Variants in LMX1A observed in about 807,000 individuals in gnomAD.
The protein encoded by LMX1A is LIM homeobox transcription factor 1 alpha.
LMX1A carries 15 observed loss-of-function variants against 49.1 expected under a neutral mutation model. The observed-to-expected ratio is 0.31, with a 90% CI of 0.20 to 0.47. LMX1A has a LOEUF of 0.47. LMX1A is among the 20% of genes least tolerant of loss of function. The pLI is 1.00. For missense variants in LMX1A, 372 were observed against 475.8 expected (o/e 0.78, Z 2.03); for synonymous variants, 167 against 185.7 (o/e 0.90, Z 0.82).
At chr1:165,353,557 T>A (rs189590399) in intron 2 of LMX1A, among the ~76,000 whole-genome samples, 2 of 152,326 alleles carry the variant, frequency 1.3e-5, no homozygotes, top group East Asian at 1.9e-4. Context: ...CGTCTGCACA[T>A]CCTGTAAGAT....
At position 165,202,482 on chromosome 1, in the gene LMX1A, A is replaced by C. The variant is rs566427244; in HGVS notation, c.*1398T>G. On this transcript the variant is annotated 3_prime_UTR_variant, in exon 9 of 9. Coordinates refer to ENST00000342310, the MANE Select transcript of LMX1A (RefSeq NM_177398.4). The stretch of plus-strand genomic sequence containing the variant: ...AGACCCTCTAAAACAAGGGGCCCCA[A>C]ACTTTTTCTGTAAGGGCCAGACAAT... The C allele has an allele frequency of 1.3e-5, 2 of 152,138 alleles. No homozygotes were observed. Among genetic ancestry groups the C allele is most frequent in the Admixed American group, 6.6e-5 (1 of 15,264 alleles). The allele number at this position is 152,138 out of a possible 1,614,324, so 9.4% of individuals were successfully genotyped here.
intron 4 of LMX1A, among the ~76,000 whole-genome samples, chr1:165,238,600 C>A (rs977748074): frequency 2.6e-5 from 4 of 152,018 alleles, no homozygotes; most frequent in East Asian, 3.9e-4. Flanking sequence ...TGATTTTGAA[C>A]GCGTGTGTAA....
intron 3 of LMX1A, among the ~76,000 whole-genome samples, chr1:165,336,441 C>T (rs779030932): frequency 1.1e-4 from 17 of 152,312 alleles, no homozygotes; most frequent in African/African-American, 4.1e-4. Context: ...ATCAGCATCA[C>T]TGGATTTTTC....
At chr1:165,314,939 C>T (rs2101737433) in intron 3 of LMX1A, among the ~76,000 whole-genome samples, 1 of 152,306 alleles carries the variant, frequency 6.6e-6, no homozygotes, top group African/African-American at 2.4e-5. Flanking sequence ...GGCAGAAGCC[C>T]TGAACACCAA....
intron 3 of LMX1A, among the ~76,000 whole-genome samples, chr1:165,319,713 GCAGA>G (rs1253647212): frequency 1.3e-5 from 2 of 152,022 alleles, no homozygotes; most frequent in Non-Finnish European, 2.9e-5. Flanking sequence ...TAGGCAAAAG[GCAGA>G]CAGACAGGCA....
intron 3 of LMX1A, among the ~76,000 whole-genome samples, chr1:165,309,094 G>A (rs562475287): frequency 8.9e-4 from 135 of 152,162 alleles, no homozygotes; most frequent in African/African-American, 3.2e-3. Context: ...GGTGATTGGA[G>A]GGGAGCCCCC....
chr1:165,311,394 T>C (rs182579348), intron 3 of LMX1A, among the ~76,000 whole-genome samples: 22 of 152,268 alleles, frequency 1.4e-4, no homozygotes, highest in Non-Finnish European at 2.4e-4. Context: ...GATAGTGAAA[T>C]CATCAGAAGT....
At position 165,355,790 on chromosome 1, in the gene LMX1A, A is replaced by C. The variant is rs965568706; in HGVS notation, c.-22-209T>G. On this transcript the variant is annotated intron_variant, in intron 1 of 8. Coordinates refer to ENST00000342310, the MANE Select transcript of LMX1A (RefSeq NM_177398.4). This position sits in a 1 kb window ranked among gnomAD's most constrained non-coding sequence, Gnocchi z 4.7. ...GCTGATCTGATTTCACTTGAAGTCA[A>C]CACGTTATGTACTTAGGCCTCCGCC... 2 of 578,274 alleles carry C rather than the reference A, an allele frequency of 3.5e-6. No homozygotes were observed. The highest frequency in any genetic ancestry group is 6.2e-6 in the Non-Finnish European group (2 of 323,848). 35.8% of individuals were successfully genotyped at this position (578,274 alleles called of 1,614,324 possible). A position where few individuals can be genotyped will look rare whatever the true frequency, so the allele number is the denominator to read the frequency against.
rs1477794292 is a variant in LMX1A, at chr1:165,356,627, T to G, written c.-295A>C. 1.3e-5 allele frequency: 2 copies of G among 153,018 alleles called. No homozygotes were observed. Among genetic ancestry groups the G allele is most frequent in the Non-Finnish European group, 1.5e-5 (1 of 68,476 alleles). The allele number at this position is 153,018 out of a possible 1,614,324, so 9.5% of individuals were successfully genotyped here. A position where few individuals can be genotyped will look rare whatever the true frequency, so the allele number is the denominator to read the frequency against. On this transcript the variant is annotated 5_prime_UTR_variant, in exon 1 of 9. Transcript: ENST00000342310. ...TCCTCAGCGGGAGGAGAGGGCCAGT[T>G]GCTTCTCCAAGGCTAGGAGGGAAGG...
At position 165,249,565 on chromosome 1, in the gene LMX1A, A is replaced by T. The variant is rs35943978; in HGVS notation, c.339T>A (p.Ser113Arg). 1 of 1,613,852 alleles carries T rather than the reference A, an allele frequency of 6.2e-7. No homozygotes were observed. Among genetic ancestry groups the T allele is most frequent in the Non-Finnish European group, 8.5e-7 (1 of 1,179,978 alleles). Residue 113 changes from serine to arginine, a missense_variant, in exon 4 of 9, where the codon AGT becomes AGA. By Grantham distance (110) the Ser-to-Arg change is moderately radical. Around this residue, in one of 3 missense-constraint regions of LMX1A, gnomAD observed 199 missense variants for 244.0 expected, o/e 0.82. Transcript: ENST00000342310. ...PNEFVMRAQKSVYHLSCFCCC... is the reference protein window; with the variant it reads ...PNEFVMRAQKRVYHLSCFCCC... ...AGCAGAAGCAGCTCAGGTGGTATAC[A>T]CTCTTCTGGGCCCGCATAACAAACT... is the stretch of plus-strand genomic sequence containing the variant.
intron 3 of LMX1A, among the ~76,000 whole-genome samples, chr1:165,266,796 T>C (rs1571190196): frequency 1.3e-5 from 2 of 151,746 alleles, no homozygotes; most frequent in South Asian, 4.2e-4. Flanking sequence ...AGAGGCAGGG[T>C]TTCACCGCGT....
In LMX1A at chr1:165,304,595, T is replaced by A. The variant is rs146211508; in HGVS notation, c.263+48481A>T. 1.8e-3 allele frequency among the ~76,000 whole-genome samples: 269 copies of A among 152,278 alleles called. 1 individual carries two copies. Among genetic ancestry groups the A allele is most frequent in the African/African-American group, 4.8e-3 (199 of 41,552 alleles). On this transcript the variant is annotated intron_variant, in intron 3 of 8. Coordinates refer to ENST00000342310, the MANE Select transcript of LMX1A (RefSeq NM_177398.4). Reference sequence around the variant, plus strand: ...ACTGCACATGGTTAATGTTCTTATATAAACACAATGCAAATCTTACCATGT... The same window carrying A: ...ACTGCACATGGTTAATGTTCTTATAAAAACACAATGCAAATCTTACCATGT...
chr1:165,253,496 A>C (rs1653128186), intron 3 of LMX1A, among the ~76,000 whole-genome samples: 1 of 152,186 alleles, frequency 6.6e-6, no homozygotes, highest in African/African-American at 2.4e-5. Context: ...GACACAAAAA[A>C]AGAGGGCCAT....
At chr1:165,238,640 C>T (rs1296296179) in intron 4 of LMX1A, among the ~76,000 whole-genome samples, 1 of 152,144 alleles carries the variant, frequency 6.6e-6, no homozygotes, top group Non-Finnish European at 1.5e-5. Context: ...GTTTTCATCG[C>T]TTTAATTATA....
intron 4 of LMX1A, among the ~76,000 whole-genome samples, chr1:165,227,577 A>ATACATACATACATACATACT (rs56689370): frequency 6.6e-6 from 1 of 152,002 alleles, no homozygotes; most frequent in African/African-American, 2.4e-5. Context: ...ACATACATAC[A>ATACATACATACATACATACT]ATGCAGAGCC....
chr1:165,224,735 A>G (rs569837796), intron 4 of LMX1A, among the ~76,000 whole-genome samples: 18 of 152,342 alleles, frequency 1.2e-4, no homozygotes, highest in Non-Finnish European at 2.4e-4. Context: ...CGTTGCACAA[A>G]CAAATGTGCT....
chr1:165,334,375 C>A (rs553223035), intron 3 of LMX1A, among the ~76,000 whole-genome samples: 2 of 152,272 alleles, frequency 1.3e-5, no homozygotes, highest in African/African-American at 4.8e-5. Flanking sequence ...TTTAACTCAT[C>A]ATCAGCTTAA....
intron 3 of LMX1A, among the ~76,000 whole-genome samples, chr1:165,262,180 G>C (rs1041753743): frequency 6.6e-6 from 1 of 152,134 alleles, no homozygotes; most frequent in African/African-American, 2.4e-5. Context: ...TGCAGCTAGG[G>C]GTAGCCATGT....
At chr1:165,247,438 T>C (rs553009793) in intron 4 of LMX1A, among the ~76,000 whole-genome samples, 1 of 152,226 alleles carries the variant, frequency 6.6e-6, no homozygotes, top group South Asian at 2.1e-4. Flanking sequence ...ACCAAGTGTA[T>C]ACCCATTAGA....
Sources: gnomAD v4.1 joint callset for allele counts (sites outside exome capture counted in the v4.1 genomes callset) on GRCh38, gnomAD v4.1.1 for gene constraint, gnomAD v4.1.1 regional missense constraint, Gnocchi (gnomAD v3.1) non-coding constraint, MANE v1.5 for transcripts, NCBI Gene and HGNC (gene_info 2026-07-23, HGNC 2026-07-21) for gene names.